Variants in KANK1 observed in about 807,000 individuals in gnomAD.
KANK1 encodes KN motif and ankyrin repeat domain-containing protein 1.
Under a neutral mutation model 106.2 loss-of-function variants are expected in KANK1, and 109 were observed. The observed-to-expected ratio is 1.03, with a 90% confidence interval of 0.88 to 1.20. KANK1 has a LOEUF of 1.20. KANK1 is among the 50% of genes most tolerant of loss of function. KANK1 has a pLI of 0.00. For missense variants in KANK1, 2,399 were observed against 1,710.7 expected (o/e 1.40, Z -7.10); for synonymous variants, 873 against 652.2 (o/e 1.34, Z -5.16).
At chr9:642,730 T>C (rs1317346297) in intron 1 of KANK1, among the ~76,000 whole-genome samples, 1 of 150,434 alleles carries the variant, frequency 6.6e-6, no homozygotes, top group East Asian at 1.9e-4. Flanking sequence ...TTAATTTCTC[T>C]CTCTGTCTTT....
upstream of KANK1, among the ~76,000 whole-genome samples, chr9:504,276 G>A (rs571421816): frequency 6.6e-6 from 1 of 152,144 alleles, no homozygotes; most frequent in Non-Finnish European, 1.5e-5. Flanking sequence ...GGTAAATACG[G>A]GTTGGCAGAA....
intron 1 of KANK1, among the ~76,000 whole-genome samples, chr9:514,508 TATC>T (rs1432100554): frequency 6.6e-6 from 1 of 150,886 alleles, no homozygotes; most frequent in African/African-American, 2.5e-5. Context: ...TTACTTCTAA[TATC>T]ATAGATCAAT....
chr9:742,303 C>T lies in KANK1; in HGVS notation c.3795C>T (p.Asp1265=), dbSNP rs143867128. Residue 1265 remains aspartate, a synonymous_variant, in exon 10 of 12, where the codon GAC becomes GAT. Coordinates refer to ENST00000382297, the MANE Select transcript of KANK1 (RefSeq NM_015158.5). ...ACGADVNIQD[D]EGSTALMCAS... is the part of the protein sequence containing the mutation. ...GGGCTGATGTCAACATCCAGGATGA[C>T]GAGGGCTCCACGGCCCTCATGTGTG... 1.6e-4 allele frequency: 256 copies of T among 1,613,992 alleles called. 1 individual carries two copies. The East Asian group carries it at 4.2e-3, about 27-fold the overall frequency.
intron 1 of KANK1, among the ~76,000 whole-genome samples, chr9:584,161 G>C (rs1822860635): frequency 6.6e-6 from 1 of 152,092 alleles, no homozygotes; most frequent in South Asian, 2.1e-4. Flanking sequence ...TTATTAAAAT[G>C]GATTATTGAT....
intron 4 of KANK1, 96 bp from the exon 5 acceptor site, chr9:731,062 C>T: frequency 6.8e-6 from 4 of 587,526 alleles, no homozygotes; most frequent in East Asian, 6.4e-5. Context: ...CCAAGATCTA[C>T]ATTTACATGC....
intron 7 of KANK1, among the ~76,000 whole-genome samples, chr9:737,295 G>T (rs923926556): frequency 1.3e-5 from 2 of 152,184 alleles, no homozygotes; most frequent in African/African-American, 4.8e-5. Context: ...TCAGTAGCAG[G>T]ATGATAAAGA....
At chr9:547,064 T>G (rs1347687532) in intron 1 of KANK1, among the ~76,000 whole-genome samples, 1 of 152,196 alleles carries the variant, frequency 6.6e-6, no homozygotes, top group African/African-American at 2.4e-5. Flanking sequence ...TTTGAAACAT[T>G]TGGGGCTGAT....
intron 1 of KANK1, among the ~76,000 whole-genome samples, chr9:659,300 C>G (rs967628828): frequency 1.3e-5 from 2 of 152,088 alleles, no homozygotes; most frequent in African/African-American, 4.8e-5. Flanking sequence ...TAATTTTTTT[C>G]CCAGTTAACC....
chr9:717,095 G>C (rs1827918796), intron 3 of KANK1, among the ~76,000 whole-genome samples: 1 of 151,978 alleles, frequency 6.6e-6, no homozygotes, highest in South Asian at 2.1e-4. Flanking sequence ...GACCATCCTG[G>C]GCAATATGGT....
chr9:683,024 G>T (rs535380608), intron 2 of KANK1, among the ~76,000 whole-genome samples: 3 of 152,156 alleles, frequency 2.0e-5, no homozygotes, highest in Admixed American at 2.0e-4. Context: ...TATAAGACTA[G>T]TTTGCAGTGA....
At chr9:677,073 C>G in intron 2 of KANK1, 64 bp downstream of exon 2, 3 of 1,443,290 alleles carry the variant, frequency 2.1e-6, no homozygotes, top group Non-Finnish European at 2.9e-6. Context: ...ATTTTTTATT[C>G]TCTTTAATAA....
At chr9:535,038 G>T (rs1395469444) in intron 1 of KANK1, among the ~76,000 whole-genome samples, 2 of 152,182 alleles carry the variant, frequency 1.3e-5, no homozygotes, top group South Asian at 2.1e-4. Flanking sequence ...GCAGCCGTGG[G>T]ATTGGCCACA....
At chr9:658,751 G>A (rs918656225) in intron 1 of KANK1, among the ~76,000 whole-genome samples, 1 of 152,124 alleles carries the variant, frequency 6.6e-6, no homozygotes, top group African/African-American at 2.4e-5. Context: ...TTTTCTGAAA[G>A]AGTTTTTCTT....
At chr9:721,882 C>CT (rs899417811) in intron 3 of KANK1, among the ~76,000 whole-genome samples, 1 of 152,248 alleles carries the variant, frequency 6.6e-6, no homozygotes, top group Non-Finnish European at 1.5e-5. Context: ...CTCCTCTTAC[C>CT]TTGGGGGCAA....
intron 9 of KANK1, among the ~76,000 whole-genome samples, chr9:741,350 T>G (rs562705737): frequency 4.1e-4 from 62 of 152,034 alleles, no homozygotes; most frequent in African/African-American, 1.4e-3. Context: ...GAGACGGTCT[T>G]GCTCTGTCCC....
At position 729,254 on chromosome 9, in the gene KANK1, A is replaced by G. The variant is rs139841384; in HGVS notation, c.2699-797A>G. ...GATGCCCTCAAAATATTTACCATCT[A>G]CAAGGGAGTCTAAAACCATCATACA... is the stretch of plus-strand genomic sequence containing the variant. On this transcript the variant is annotated intron_variant, in intron 3 of 11. Transcript: ENST00000382297. Among the ~76,000 whole-genome samples the G allele has an allele frequency of 6.4e-3, 974 of 152,340 alleles. 6 individuals are homozygous for G. Among genetic ancestry groups the G allele is most frequent in the Admixed American group, 0.014 (207 of 15,306 alleles).
rs557470662 is a variant in KANK1 at position 496,121 on chromosome 9, G to A, written c.-362+22848G>A. 3.3e-5 allele frequency among the ~76,000 whole-genome samples: 5 copies of A among 152,250 alleles called. No individual in the cohort carries two copies. In the South Asian group the frequency reaches 1.0e-3, roughly 32 times the overall value. ...TTCTTGCAGCTATTTGAACCTCTGT[G>A]AGCCCCATTCTTCTTGTCTGCAAAC... is the stretch of plus-strand genomic sequence containing the variant. On this transcript the variant is annotated intron_variant, in intron 3 of 15. Coordinates refer to the KANK1 transcript ENST00000382303.
intron 1 of KANK1, among the ~76,000 whole-genome samples, chr9:525,096 G>A (rs2059727213): frequency 6.8e-6 from 1 of 146,602 alleles, no homozygotes; most frequent in African/African-American, 2.6e-5. Flanking sequence ...CTGGGTTCAA[G>A]CCATTCTCCT....
At chr9:655,930 T>C (rs968064194) in intron 1 of KANK1, among the ~76,000 whole-genome samples, 1 of 152,182 alleles carries the variant, frequency 6.6e-6, no homozygotes, top group Non-Finnish European at 1.5e-5. Context: ...TGTAACTGAG[T>C]CCCAGGATTC....
Sources: allele counts gnomAD v4.1 joint callset (sites outside exome capture counted in the v4.1 genomes callset), GRCh38; gene constraint gnomAD v4.1.1; transcripts MANE v1.5; gene names NCBI Gene and HGNC (gene_info 2026-07-23, HGNC 2026-07-21).